Variants in TBC1D1 observed in about 807,000 individuals in gnomAD.
The protein encoded by TBC1D1 is TBC1 domain family member 1.
Under a neutral mutation model 125.6 loss-of-function variants are expected in TBC1D1, and 89 were observed. That is an observed-to-expected ratio of 0.71 (90% CI 0.60 to 0.85). The LOEUF (loss-of-function observed/expected upper bound fraction) is 0.85, where lower values mean the gene tolerates loss of function less well. Ranked by LOEUF, TBC1D1 falls within the 40% of genes least tolerant of loss-of-function variation. The pLI is 0.00. For synonymous variants in TBC1D1, 565 were observed against 564.1 expected (o/e 1.00, Z -0.02); for missense variants, 1,377 against 1,469.2 (o/e 0.94, Z 1.03).
chr4:37,962,750 G>A (rs1461826043), intron 2 of TBC1D1, among the ~76,000 whole-genome samples: 1 of 151,996 alleles, frequency 6.6e-6, no homozygotes, highest in African/African-American at 2.4e-5. Context: ...TTTATTCTTG[G>A]TAATTTTTTC....
intron 2 of TBC1D1, among the ~76,000 whole-genome samples, chr4:37,954,057 G>C (rs1728424802): frequency 6.6e-6 from 1 of 152,134 alleles, no homozygotes; most frequent in Non-Finnish European, 1.5e-5. Flanking sequence ...ATAAGGATAG[G>C]AATGCAAGCA....
chr4:38,047,206 A>G (rs1749657100), intron 10 of TBC1D1, among the ~76,000 whole-genome samples: 1 of 152,184 alleles, frequency 6.6e-6, no homozygotes, highest in African/African-American at 2.4e-5. Flanking sequence ...AGTTTGAGAA[A>G]CACTTCCTTA....
intron 12 of TBC1D1, among the ~76,000 whole-genome samples, chr4:38,068,414 A>T (rs1482636109): frequency 6.6e-6 from 1 of 151,664 alleles, no homozygotes; most frequent in Non-Finnish European, 1.5e-5. Context: ...TCCCCTCCTC[A>T]CCAAACCCAC....
At position 38,035,745 on chromosome 4, in the gene TBC1D1, T is replaced by C. The variant is rs1747087652; in HGVS notation, c.1413+47T>C. The C allele has an allele frequency of 5.8e-6, 8 of 1,380,696 alleles. No individual in the cohort carries two copies. In the East Asian group the frequency reaches 1.8e-4, roughly 32 times the overall value. 85.5% of individuals were successfully genotyped at this position (1,380,696 alleles called of 1,614,324 possible). On this transcript the variant is annotated intron_variant, in intron 8 of 19. Coordinates refer to ENST00000261439, the MANE Select transcript of TBC1D1 (RefSeq NM_015173.4). The stretch of plus-strand genomic sequence containing the variant: ...TAATTGTTGCCAAGTCTCTGCCAAG[T>C]CTCTGTATAAACAACGTTTTGAGGA...
intron 11 of TBC1D1, 49 bp from the exon 14 acceptor site, chr4:38,054,150 C>G: frequency 6.3e-7 from 1 of 1,577,948 alleles, no homozygotes. Flanking sequence ...TAACAAAATC[C>G]CGTGAATTCC....
chr4:37,974,047 G>A (rs998010977), intron 2 of TBC1D1, among the ~76,000 whole-genome samples: 1 of 152,218 alleles, frequency 6.6e-6, no homozygotes, highest in Non-Finnish European at 1.5e-5. Context: ...GGAACTGTCA[G>A]CCTCCATCTC....
chr4:38,093,526 C>G (rs926832917), intron 13 of TBC1D1, among the ~76,000 whole-genome samples: 19 of 149,596 alleles, frequency 1.3e-4, no homozygotes, highest in East Asian at 4.0e-4. Flanking sequence ...TTTTCCCCCC[C>G]CTTTTTTTTT....
intron 7 of TBC1D1, among the ~76,000 whole-genome samples, chr4:38,031,611 T>G (rs1442665608): frequency 6.6e-6 from 1 of 152,148 alleles, no homozygotes; most frequent in Non-Finnish European, 1.5e-5. Context: ...GAAATTGATT[T>G]ATTTATTTAT....
chr4:37,981,513 A>G (rs532936394), intron 2 of TBC1D1, among the ~76,000 whole-genome samples: 6 of 152,342 alleles, frequency 3.9e-5, no homozygotes, highest in Admixed American at 2.0e-4. Context: ...GCAGCAAGCA[A>G]ATAGGTGAAC....
In TBC1D1 at chr4:38,125,215, C is replaced by G. The variant is rs960392592; in HGVS notation, c.3132+84C>G. The G allele has an allele frequency of 2.2e-6, 3 of 1,383,754 alleles. No individual in the cohort carries two copies. In the African/African-American group the frequency reaches 4.3e-5, roughly 20 times the overall value. The allele number at this position is 1,383,754 out of a possible 1,614,324, so 85.7% of individuals were successfully genotyped here. A position where few individuals can be genotyped will look rare whatever the true frequency, so the allele number is the denominator to read the frequency against. On this transcript the variant is annotated intron_variant, in intron 18 of 19. Transcript: ENST00000261439. ...AATCTCTCTTGAGCAGGAACTGTTT[C>G]CTACCACTTTGTGTTCTGAACGGCA...
chr4:38,041,854 A>G (rs572924687), intron 8 of TBC1D1, among the ~76,000 whole-genome samples: 6 of 152,278 alleles, frequency 3.9e-5, no homozygotes, highest in East Asian at 1.9e-4. Context: ...TTAAGCTTCA[A>G]AGATGTCTGC....
chr4:38,108,856 T>A (rs12506500), intron 15 of TBC1D1, among the ~76,000 whole-genome samples: 98,258 of 152,180 alleles, frequency 0.65, 32,640 homozygotes, highest in African/African-American at 0.8. Context: ...AGATGAGAAG[T>A]AGGAGAACCT....
At chr4:37,910,060 G>A (rs1341223169) in intron 2 of TBC1D1, among the ~76,000 whole-genome samples, 1 of 152,200 alleles carries the variant, frequency 6.6e-6, no homozygotes, top group Non-Finnish European at 1.5e-5. Flanking sequence ...AAATGAGTCT[G>A]TGGGCTCCAG....
intron 3 of TBC1D1, among the ~76,000 whole-genome samples, chr4:38,017,742 C>T (rs115144027): frequency 6.6e-6 from 1 of 152,164 alleles, no homozygotes. Flanking sequence ...GCTTAGCGCT[C>T]CAGAGACGAG....
At chr4:37,944,832 A>G (rs1726328103) in intron 2 of TBC1D1, among the ~76,000 whole-genome samples, 1 of 152,096 alleles carries the variant, frequency 6.6e-6, no homozygotes, top group African/African-American at 2.4e-5. Flanking sequence ...GGTGGGCTGC[A>G]CCCACTGTCC....
chr4:37,912,651 C>A (rs1560468688), intron 2 of TBC1D1, among the ~76,000 whole-genome samples: 1 of 152,146 alleles, frequency 6.6e-6, no homozygotes, highest in Non-Finnish European at 1.5e-5. Context: ...GTCATGTGGG[C>A]TCCTCCCTCA....
At chr4:37,913,540 G>A (rs770191023) in intron 2 of TBC1D1, among the ~76,000 whole-genome samples, 11 of 151,722 alleles carry the variant, frequency 7.3e-5, no homozygotes, top group South Asian at 6.2e-4. Context: ...CAGAGGTTGC[G>A]GTGAGCTGAG....
At chr4:37,918,801 A>G (rs921702143) in intron 2 of TBC1D1, among the ~76,000 whole-genome samples, 3 of 152,210 alleles carry the variant, frequency 2.0e-5, no homozygotes, top group Admixed American at 2.0e-4. Context: ...CTCTAAAACC[A>G]GATGTACAAG....
At chr4:38,064,632 T>C (rs1459177334) in intron 12 of TBC1D1, among the ~76,000 whole-genome samples, 4 of 151,488 alleles carry the variant, frequency 2.6e-5, no homozygotes, top group Non-Finnish European at 4.4e-5. Flanking sequence ...ATTTCTTTTT[T>C]TTTTTTTTTT....
Sources: allele counts gnomAD v4.1 joint callset (sites outside exome capture counted in the v4.1 genomes callset), GRCh38; gene constraint gnomAD v4.1.1; transcripts MANE v1.5; gene names NCBI Gene and HGNC (gene_info 2026-07-23, HGNC 2026-07-21).